TMEM132D: variants seen among roughly 807,000 people sequenced by gnomAD.
TMEM132D encodes the protein mature OL transmembrane protein.
Under a neutral mutation model 62.3 loss-of-function variants are expected in TMEM132D, and 21 were observed. The ratio of observed to expected loss-of-function variants is 0.34; its 90% CI spans 0.24 to 0.49. The LOEUF is 0.49. Ranked by LOEUF, TMEM132D falls within the 20% of genes least tolerant of loss-of-function variation. The pLI, the probability that TMEM132D is intolerant of heterozygous loss-of-function variation, is 0.99. For synonymous variants in TMEM132D, 621 were observed against 575.6 expected, an observed-to-expected ratio of 1.08 and a Z score of -1.13; for missense variants, 1,346 against 1,402.8, an observed-to-expected ratio of 0.96 and a Z score of 0.65.
intron 2 of TMEM132D, among the ~76,000 whole-genome samples, chr12:129,630,073 AC>A (rs1879315963): frequency 2.6e-5 from 4 of 152,232 alleles, no homozygotes; most frequent in Admixed American, 2.0e-4. Context: ...TACAAAACAG[AC>A]ACACAAAAAG....
intron 1 of TMEM132D, among the ~76,000 whole-genome samples, chr12:129,764,585 T>G (rs986520200): frequency 2.9e-5 from 1 of 34,886 alleles, no homozygotes; most frequent in African/African-American, 7.4e-5. Context: ...TATTTGTATG[T>G]GTGTTTGTAT....
In TMEM132D at chr12:129,417,037, T is replaced by G. The variant is rs570130430; in HGVS notation, c.1116-79220A>C. ...TTGTTGGTGTGTCTCTGCCAGGTTTTGGTATCAGAATGATGCTGGCTTCAT... is the reference window on the plus strand; with the variant it reads ...TTGTTGGTGTGTCTCTGCCAGGTTTGGGTATCAGAATGATGCTGGCTTCAT... On this transcript the variant is annotated intron_variant, in intron 3 of 8. Coordinates refer to ENST00000422113, the MANE Select transcript of TMEM132D (RefSeq NM_133448.3). Among the ~76,000 whole-genome samples the G allele has an allele frequency of 3.5e-4, 54 of 152,336 alleles. 2 individuals are homozygous for G. In the South Asian group the frequency reaches 0.011, roughly 30 times the overall value.
chr12:129,869,884 A>G (rs1421518241), intron 1 of TMEM132D, among the ~76,000 whole-genome samples: 1 of 152,200 alleles, frequency 6.6e-6, no homozygotes, highest in African/African-American at 2.4e-5. Flanking sequence ...TTGTTGACTG[A>G]TATCATACAG....
intron 2 of TMEM132D, among the ~76,000 whole-genome samples, chr12:129,602,721 T>G (rs1878513480): frequency 6.6e-6 from 1 of 152,184 alleles, no homozygotes; most frequent in South Asian, 2.1e-4. Flanking sequence ...ACAGCCCTCC[T>G]CCTTATCACC....
At chr12:129,717,372 G>T (rs1868625680) in intron 1 of TMEM132D, among the ~76,000 whole-genome samples, 1 of 152,182 alleles carries the variant, frequency 6.6e-6, no homozygotes, top group Middle Eastern at 3.4e-3. Flanking sequence ...ACACAGAAAT[G>T]ACATTCCAAG....
intron 3 of TMEM132D, among the ~76,000 whole-genome samples, chr12:129,380,397 C>T (rs766632588): frequency 3.9e-5 from 6 of 152,212 alleles, no homozygotes; most frequent in Non-Finnish European, 7.4e-5. Context: ...ATTGTAGTTT[C>T]ACATGATCAC....
chr12:129,307,497 T>C (rs1018700503), intron 4 of TMEM132D, among the ~76,000 whole-genome samples: 14 of 152,208 alleles, frequency 9.2e-5, no homozygotes, highest in African/African-American at 3.1e-4. Flanking sequence ...CCTAGGTTTC[T>C]CAAAATGTAC....
intron 5 of TMEM132D, among the ~76,000 whole-genome samples, chr12:129,139,208 C>T (rs1392509731): frequency 1.3e-5 from 2 of 152,090 alleles, no homozygotes; most frequent in Non-Finnish European, 2.9e-5. Context: ...GGCTGCCTGA[C>T]TCTCAAAATT....
chr12:129,692,856 A>AG (rs1881095809), intron 2 of TMEM132D, among the ~76,000 whole-genome samples: 1 of 152,010 alleles, frequency 6.6e-6, no homozygotes, highest in Admixed American at 6.6e-5. Flanking sequence ...GGGGGAGGGC[A>AG]GTGGGGGGAG....
At position 129,236,927 on chromosome 12, in the gene TMEM132D, T is replaced by TA. The variant is rs1458629121; in HGVS notation, c.1300-27265dup. Among the ~76,000 whole-genome samples the TA allele has an allele frequency of 3.9e-5, 6 of 152,340 alleles. No homozygotes were observed. The East Asian group carries it at 9.6e-4, about 24-fold the overall frequency. Reference sequence around the variant, plus strand: ...CTATACCTACAGTGATAAGAGTTTTTATCACAAAAATGTATTGAATTTTCC... The same window carrying TA: ...CTATACCTACAGTGATAAGAGTTTTTAATCACAAAAATGTATTGAATTTTCC... On this transcript the variant is annotated intron_variant, in intron 4 of 8. Transcript: ENST00000422113.
intron 1 of TMEM132D, among the ~76,000 whole-genome samples, chr12:129,809,165 A>G (rs4759590): frequency 0.077 from 11,644 of 152,060 alleles, 605 homozygotes; most frequent in South Asian, 0.12. Flanking sequence ...AAAATTAGCC[A>G]GGCATGGTGG....
intron 2 of TMEM132D, among the ~76,000 whole-genome samples, chr12:129,628,328 G>A (rs1879273517): frequency 1.3e-5 from 2 of 152,164 alleles, no homozygotes; most frequent in Admixed American, 6.5e-5. Context: ...GAGTTTCTGA[G>A]TGACAGATCC....
chr12:129,146,294 AC>A (rs903901624), intron 5 of TMEM132D, among the ~76,000 whole-genome samples: 8 of 152,162 alleles, frequency 5.3e-5, no homozygotes, highest in Admixed American at 2.6e-4. Context: ...CACTGATTCT[AC>A]CTGCTAGATA....
chr12:129,703,465 C>CTT (rs11392426), intron 1 of TMEM132D, among the ~76,000 whole-genome samples: 39,166 of 147,642 alleles, frequency 0.27, 5,967 homozygotes, highest in Non-Finnish European at 0.35. Context: ...CACTTCCTTT[C>CTT]TTTTTTTTTT....
intron 1 of TMEM132D, among the ~76,000 whole-genome samples, chr12:129,750,516 T>G (rs7958116): frequency 0.47 from 71,722 of 152,150 alleles, 17,482 homozygotes; most frequent in Middle Eastern, 0.56. Flanking sequence ...TGAAAGACTA[T>G]GATGGACCAA....
At chr12:129,702,008 G>A (rs558205008) in intron 1 of TMEM132D, among the ~76,000 whole-genome samples, 1 of 152,338 alleles carries the variant, frequency 6.6e-6, no homozygotes, top group African/African-American at 2.4e-5. Context: ...GTTTCCCATG[G>A]ACCCATTGGT....
At chr12:129,337,003 A>G (rs907308330) in intron 4 of TMEM132D, among the ~76,000 whole-genome samples, 1 of 152,214 alleles carries the variant, frequency 6.6e-6, no homozygotes, top group South Asian at 2.1e-4. Flanking sequence ...GCGCCTCTCA[A>G]ATAAAACAGT....
At chr12:129,475,088 A>T (rs1185290661) in intron 3 of TMEM132D, among the ~76,000 whole-genome samples, 1 of 152,236 alleles carries the variant, frequency 6.6e-6, no homozygotes, top group East Asian at 1.9e-4. Flanking sequence ...CAAAAACTCT[A>T]TGTATTACTA....
chr12:129,376,598 C>T (rs1342449281), intron 3 of TMEM132D, among the ~76,000 whole-genome samples: 1 of 152,154 alleles, frequency 6.6e-6, no homozygotes, highest in African/African-American at 2.4e-5. Flanking sequence ...TAAGCCCTAA[C>T]CCCCAGTACC....
Sources: allele counts gnomAD v4.1 joint callset (sites outside exome capture counted in the v4.1 genomes callset), GRCh38; gene constraint gnomAD v4.1.1; transcripts MANE v1.5; gene names NCBI Gene and HGNC (gene_info 2026-07-23, HGNC 2026-07-21).